Variants in BOP1 observed in about 807,000 individuals in gnomAD.
The protein encoded by BOP1 is BOP1 ribosomal biogenesis factor, also known as ribosome biogenesis protein BOP1.
Under a neutral mutation model 82.9 loss-of-function variants are expected in BOP1, and 54 were observed. The ratio of observed to expected loss-of-function variants is 0.65; its 90% CI spans 0.52 to 0.82. The LOEUF is 0.82. BOP1 is among the 40% of genes least tolerant of loss of function. BOP1 has a pLI of 0.00. For missense variants in BOP1, 1,170 were observed against 1,072.0 expected (o/e 1.09, Z -1.28); for synonymous variants, 566 against 451.1 (o/e 1.25, Z -3.23).
intron 3 of BOP1, among the ~76,000 whole-genome samples, chr8:144,267,844 G>A (rs1361556592): frequency 6.6e-6 from 1 of 152,192 alleles, no homozygotes; most frequent in African/African-American, 2.4e-5. Context: ...AATACGGCAC[G>A]GCTTTTCCCA....
chr8:144,266,918 TC>T, intron 3 of BOP1: 2 of 1,551,362 alleles, frequency 1.3e-6, no homozygotes, highest in Non-Finnish European at 1.7e-6. Flanking sequence ...CGCACGCTGA[TC>T]CCCACCGAGC....
chr8:144,273,401 G>A (rs1554838034), intron 3 of BOP1, among the ~76,000 whole-genome samples: 2 of 137,686 alleles, frequency 1.5e-5, no homozygotes, highest in Non-Finnish European at 3.1e-5. Flanking sequence ...CTCCAGTGGA[G>A]GCCTCGTGGG....
chr8:144,290,359 A>G (rs1815012342), intron 1 of BOP1, among the ~76,000 whole-genome samples: 1 of 151,952 alleles, frequency 6.6e-6, no homozygotes, highest in African/African-American at 2.4e-5. Context: ...AAAAGAAAAA[A>G]GAAAGAAAAG....
chr8:144,272,727 T>C lies in BOP1; in HGVS notation c.390+3497A>G, dbSNP rs1016232545. Among the ~76,000 whole-genome samples, 293 of 152,132 alleles carry C rather than the reference T, an allele frequency of 1.9e-3. 1 individual carries two copies. Among genetic ancestry groups the C allele is most frequent in the African/African-American group, 6.5e-3 (271 of 41,498 alleles). On this transcript the variant is annotated intron_variant, in intron 3 of 15. Transcript: ENST00000569669. Reference sequence around the variant, plus strand: ...CCAGCCACTGCCCAGCCCTGCTTCATCCGAGAGCCCAGGGTACCCCCATGA... The same window carrying C: ...CCAGCCACTGCCCAGCCCTGCTTCACCCGAGAGCCCAGGGTACCCCCATGA...
At chr8:144,287,532 T>C (rs1181735060) in intron 2 of BOP1, among the ~76,000 whole-genome samples, 1 of 150,852 alleles carries the variant, frequency 6.6e-6, no homozygotes. Context: ...AACAGGGTCT[T>C]GCTTGTCACC....
intron 3 of BOP1, chr8:144,266,517 C>G (rs1397020431): frequency 1.0e-6 from 1 of 989,172 alleles, no homozygotes. Context: ...GCCGAGACCC[C>G]GCGCCTCGCC....
intron 2 of BOP1, among the ~76,000 whole-genome samples, chr8:144,277,533 G>A (rs1845586891): frequency 1.3e-5 from 2 of 152,184 alleles, no homozygotes; most frequent in Admixed American, 1.3e-4. Flanking sequence ...ACCGCACGCT[G>A]GAGTCCCAGC....
chr8:144,288,442 T>C (rs539957127), intron 2 of BOP1, among the ~76,000 whole-genome samples: 5 of 120,388 alleles, frequency 4.2e-5, no homozygotes, highest in Non-Finnish European at 8.1e-5. Context: ...GCAGGAGAAT[T>C]ACTTGAACCC....
intron 3 of BOP1, chr8:144,266,806 G>A (rs1845380601): frequency 4.4e-6 from 5 of 1,146,186 alleles, no homozygotes; most frequent in Non-Finnish European, 5.4e-6. Flanking sequence ...CGGGGGCGGG[G>A]GGCCAGGGGG....
At chr8:144,275,679 C>T (rs1845558525) in intron 3 of BOP1, among the ~76,000 whole-genome samples, 1 of 152,154 alleles carries the variant, frequency 6.6e-6, no homozygotes, top group South Asian at 2.1e-4. Context: ...CCACATCAGC[C>T]ACCACCAGGG....
intron 2 of BOP1, among the ~76,000 whole-genome samples, chr8:144,287,991 C>T (rs1458757711): frequency 2.6e-5 from 4 of 152,014 alleles, no homozygotes; most frequent in Non-Finnish European, 4.4e-5. Flanking sequence ...CTGGGCTGGG[C>T]GCGGTGGCTC....
chr8:144,281,389 G>C (rs199690984), intron 2 of BOP1, among the ~76,000 whole-genome samples: 2 of 688 alleles, frequency 2.9e-3, no homozygotes, highest in African/African-American at 3.3e-3. Flanking sequence ...CCTTCCCTCA[G>C]TTTAATACCA....
At chr8:144,262,542 G>A (rs1845231416) in intron 14 of BOP1, 39 bp from the exon 15 acceptor site, 2 of 1,612,746 alleles carry the variant, frequency 1.2e-6, no homozygotes, top group African/African-American at 1.3e-5. Context: ...GGCTCGGGCT[G>A]AAGGGAGGGG....
intron 1 of BOP1, among the ~76,000 whole-genome samples, chr8:144,290,546 C>T (rs1815025074): frequency 6.6e-6 from 1 of 152,222 alleles, no homozygotes; most frequent in Admixed American, 6.5e-5. Context: ...CAGTCGGCTA[C>T]ACAATCACAA....
chr8:144,289,867 A>T (rs1225577356), intron 1 of BOP1, among the ~76,000 whole-genome samples: 16 of 152,194 alleles, frequency 1.1e-4, no homozygotes, highest in African/African-American at 3.9e-4. Context: ...TTGATCAGTA[A>T]ATTGAAAGGA....
chr8:144,268,059 C>T (rs991401609), intron 3 of BOP1: 7 of 1,549,154 alleles, frequency 4.5e-6, no homozygotes, highest in Non-Finnish European at 5.2e-6. Flanking sequence ...CGCAGACTGG[C>T]GCTGGGCTCT....
At chr8:144,286,590 G>A (rs1187784428) in intron 2 of BOP1, among the ~76,000 whole-genome samples, 7 of 146,460 alleles carry the variant, frequency 4.8e-5, no homozygotes, top group Non-Finnish European at 1.1e-4. Context: ...GCAGATGCAC[G>A]GGCGCCATGG....
At chr8:144,284,956 C>T (rs981459201) in intron 2 of BOP1, among the ~76,000 whole-genome samples, 1 of 152,166 alleles carries the variant, frequency 6.6e-6, no homozygotes, top group Admixed American at 6.5e-5. Flanking sequence ...AGCAGCTGAC[C>T]CCCAGCAGTC....
chr8:144,285,522 T>G (rs758720196), intron 2 of BOP1, among the ~76,000 whole-genome samples: 2 of 152,122 alleles, frequency 1.3e-5, no homozygotes, highest in Non-Finnish European at 2.9e-5. Context: ...TTACCCTCAC[T>G]TACCAAGTAA....
Sources: allele counts gnomAD v4.1 joint callset (sites outside exome capture counted in the v4.1 genomes callset), GRCh38; gene constraint gnomAD v4.1.1; transcripts MANE v1.5; gene names NCBI Gene and HGNC (gene_info 2026-07-23, HGNC 2026-07-21).